The following LRMDA variants were observed in gnomAD, a reference collection of about 807,000 sequenced individuals.
The protein encoded by LRMDA is leucine-rich melanocyte differentiation-associated protein.
In LRMDA, 18 loss-of-function variants were observed where a neutral mutation model predicts 29.8. The observed-to-expected ratio is 0.60, with a 90% CI of 0.42 to 0.90. The LOEUF is 0.90. LRMDA is among the 40% of genes least tolerant of loss of function. The pLI, the probability that LRMDA is intolerant of heterozygous loss-of-function variation, is 0.00. For missense variants in LRMDA, 273 were observed against 273.9 expected, an observed-to-expected ratio of 1.00 and a Z score of 0.02; for synonymous variants, 125 against 109.4, an observed-to-expected ratio of 1.14 and a Z score of -0.89.
chr10:75,958,034 A>G (rs753427737), intron 2 of LRMDA, among the ~76,000 whole-genome samples: 1 of 152,184 alleles, frequency 6.6e-6, no homozygotes, highest in Non-Finnish European at 1.5e-5. Flanking sequence ...AGGAGATGGT[A>G]TCCAAGTTAC....
chr10:75,884,086 G>A (rs1021322284), intron 2 of LRMDA, among the ~76,000 whole-genome samples: 9 of 151,786 alleles, frequency 5.9e-5, no homozygotes, highest in Admixed American at 1.3e-4. Context: ...GTAGACATAC[G>A]TGAACATTTG....
intron 6 of LRMDA, among the ~76,000 whole-genome samples, chr10:76,521,033 T>A (rs754495103): frequency 1.3e-5 from 2 of 152,196 alleles, no homozygotes; most frequent in Admixed American, 6.5e-5. Context: ...GTATTTCATA[T>A]GAATACATAG....
At chr10:75,621,232 A>ACACCCCCC (rs1219835350) in intron 2 of LRMDA, among the ~76,000 whole-genome samples, 1 of 150,624 alleles carries the variant, frequency 6.6e-6, no homozygotes, top group African/African-American at 2.5e-5. Flanking sequence ...ACACCCACAC[A>ACACCCCCC]CCCACACACA....
intron 2 of LRMDA, among the ~76,000 whole-genome samples, chr10:75,991,978 C>T (rs1272807680): frequency 1.3e-5 from 2 of 152,148 alleles, no homozygotes; most frequent in African/African-American, 2.4e-5. Context: ...GAAGCCAAGG[C>T]CCAAGAGACT....
At chr10:76,235,514 T>C (rs1357338201) in intron 5 of LRMDA, among the ~76,000 whole-genome samples, 1 of 152,016 alleles carries the variant, frequency 6.6e-6, no homozygotes, top group Non-Finnish European at 1.5e-5. Context: ...TGCAGTGGAA[T>C]GAGGTATACC....
intron 2 of LRMDA, among the ~76,000 whole-genome samples, chr10:75,996,772 G>A (rs1177627368): frequency 3.4e-5 from 5 of 147,268 alleles, no homozygotes; most frequent in East Asian, 2.0e-4. Context: ...TCGGTCTGTC[G>A]TCCAGGCTGG....
intron 6 of LRMDA, among the ~76,000 whole-genome samples, chr10:76,391,859 A>G (rs1841726862): frequency 1.3e-5 from 2 of 152,182 alleles, no homozygotes; most frequent in African/African-American, 4.8e-5. Flanking sequence ...TATTTAAGGT[A>G]ACTGTTCTTA....
intron 5 of LRMDA, among the ~76,000 whole-genome samples, chr10:76,235,971 A>G (rs559553204): frequency 6.6e-6 from 1 of 152,188 alleles, no homozygotes; most frequent in Non-Finnish European, 1.5e-5. Context: ...TGCCAAAGAA[A>G]TATAGTTTGG....
intron 5 of LRMDA, among the ~76,000 whole-genome samples, chr10:76,223,148 G>A (rs1314939652): frequency 2.0e-5 from 3 of 152,012 alleles, no homozygotes; most frequent in Non-Finnish European, 2.9e-5. Flanking sequence ...GATAGCTTTA[G>A]GAGATATACC....
chr10:75,472,876 A>C (rs1205747944), intron 2 of LRMDA, among the ~76,000 whole-genome samples: 6 of 152,190 alleles, frequency 3.9e-5, no homozygotes, highest in Non-Finnish European at 8.8e-5. Context: ...CCTAACAGGA[A>C]GCAGGAGGGT....
chr10:75,947,447 G>A (rs964617042), intron 2 of LRMDA, among the ~76,000 whole-genome samples: 11 of 152,124 alleles, frequency 7.2e-5, no homozygotes, highest in Non-Finnish European at 1.5e-4. Flanking sequence ...TGCTCCCATT[G>A]CTGGGCTCCG....
intron 6 of LRMDA, among the ~76,000 whole-genome samples, chr10:76,451,301 A>G (rs1842403902): frequency 6.6e-6 from 1 of 150,886 alleles, no homozygotes; most frequent in South Asian, 2.1e-4. Context: ...TCCCAGGTTC[A>G]TGCCATTCTC....
At chr10:76,301,105 C>T (rs1454638112) in intron 5 of LRMDA, among the ~76,000 whole-genome samples, 1 of 151,988 alleles carries the variant, frequency 6.6e-6, no homozygotes, top group Non-Finnish European at 1.5e-5. Context: ...ATAGCCCTGC[C>T]CTCAGTTATA....
At chr10:76,030,152 C>G (rs535620967) in intron 2 of LRMDA, among the ~76,000 whole-genome samples, 7 of 152,306 alleles carry the variant, frequency 4.6e-5, no homozygotes, top group African/African-American at 1.2e-4. Flanking sequence ...CTCACATACC[C>G]TAGCCAGAAC....
chr10:76,130,161 AT>A (rs1208521156), intron 5 of LRMDA, among the ~76,000 whole-genome samples: 1 of 150,566 alleles, frequency 6.6e-6, no homozygotes, highest in Non-Finnish European at 1.5e-5. Flanking sequence ...GAATCAGTAG[AT>A]ACAAAAGATA....
At chr10:75,584,037 G>C (rs118019333) in intron 2 of LRMDA, among the ~76,000 whole-genome samples, 2 of 152,034 alleles carry the variant, frequency 1.3e-5, no homozygotes, top group East Asian at 3.9e-4. Flanking sequence ...TGTCCTTCAC[G>C]TGGTTCGCAA....
At chr10:76,379,608 T>C (rs980541512) in intron 6 of LRMDA, among the ~76,000 whole-genome samples, 1 of 152,138 alleles carries the variant, frequency 6.6e-6, no homozygotes, top group Non-Finnish European at 1.5e-5. Context: ...CTTTTCTCTC[T>C]TTTTTCTTGT....
chr10:76,221,684 C>T (rs1355396398), intron 5 of LRMDA, among the ~76,000 whole-genome samples: 3 of 152,144 alleles, frequency 2.0e-5, no homozygotes, highest in Non-Finnish European at 4.4e-5. Context: ...ATGAAAATGG[C>T]CATACTGCCC....
chr10:75,677,045 A>G (rs914970249), intron 2 of LRMDA, among the ~76,000 whole-genome samples: 2 of 152,198 alleles, frequency 1.3e-5, no homozygotes, highest in African/African-American at 4.8e-5. Flanking sequence ...ATTTTCTCAG[A>G]TTTATGAGGA....
Sources: gnomAD v4.1 joint callset for allele counts (sites outside exome capture counted in the v4.1 genomes callset) on GRCh38, gnomAD v4.1.1 for gene constraint, MANE v1.5 for transcripts, NCBI Gene and HGNC (gene_info 2026-07-23, HGNC 2026-07-21) for gene names.